ADAMTSL1: variants seen among roughly 807,000 people sequenced by gnomAD.
The protein encoded by ADAMTSL1 is ADAMTS like 1.
ADAMTSL1 carries 126 observed loss-of-function variants against 201.8 expected under a neutral mutation model. The observed-to-expected ratio is 0.62, with a 90% CI of 0.54 to 0.72. ADAMTSL1 has a LOEUF of 0.72. Ranked by LOEUF, ADAMTSL1 falls within the 30% of genes least tolerant of loss-of-function variation. ADAMTSL1 has a pLI of 0.00. For missense variants in ADAMTSL1, 2,679 were observed against 2,277.8 expected (o/e 1.18, Z -3.59); for synonymous variants, 1,121 against 903.4 (o/e 1.24, Z -4.32).
chr9:17,947,119 A>G (rs1480131309), intron 1 of ADAMTSL1, among the ~76,000 whole-genome samples: 3 of 151,556 alleles, frequency 2.0e-5, no homozygotes, highest in South Asian at 2.1e-4. Context: ...CTGTGTGTGC[A>G]TATAAACTAT....
chr9:18,206,120 C>G (rs1042250768), intron 2 of ADAMTSL1, among the ~76,000 whole-genome samples: 1 of 147,164 alleles, frequency 6.8e-6, no homozygotes, highest in Admixed American at 6.8e-5. Context: ...ATGGAAAATT[C>G]CCATCATGAG....
intron 2 of ADAMTSL1, among the ~76,000 whole-genome samples, chr9:18,423,142 G>C (rs1250219099): frequency 6.6e-6 from 1 of 152,136 alleles, no homozygotes; most frequent in Non-Finnish European, 1.5e-5. Context: ...GGCCCCAAGG[G>C]ATTACTTGTG....
intron 15 of ADAMTSL1, among the ~76,000 whole-genome samples, chr9:18,745,052 G>T (rs2133569163): frequency 6.6e-6 from 1 of 152,306 alleles, no homozygotes; most frequent in Admixed American, 6.5e-5. Context: ...GGCCAGCCAG[G>T]TGTTTCCACT....
At chr9:18,838,314 G>C (rs545847299) in intron 23 of ADAMTSL1, among the ~76,000 whole-genome samples, 12 of 150,996 alleles carry the variant, frequency 7.9e-5, no homozygotes, top group Admixed American at 5.3e-4. Flanking sequence ...AATTGCAGGA[G>C]GTATAATTCA....
intron 2 of ADAMTSL1, among the ~76,000 whole-genome samples, chr9:18,236,557 T>A (rs1830857966): frequency 6.6e-6 from 1 of 152,174 alleles, no homozygotes. Context: ...TGATGGAAAA[T>A]GTGTGTTTGT....
intron 21 of ADAMTSL1, among the ~76,000 whole-genome samples, chr9:18,823,344 G>A (rs1486309545): frequency 2.0e-5 from 3 of 152,140 alleles, no homozygotes; most frequent in African/African-American, 7.2e-5. Flanking sequence ...CTCCCATGAA[G>A]TCCCCTGCTG....
chr9:18,765,785 T>C (rs1455915871), intron 16 of ADAMTSL1, among the ~76,000 whole-genome samples: 1 of 152,290 alleles, frequency 6.6e-6, no homozygotes, highest in Non-Finnish European at 1.5e-5. Context: ...TTCATAGAGC[T>C]AATGGTCTAA....
At chr9:18,543,779 C>T (rs1410075087) in intron 3 of ADAMTSL1, among the ~76,000 whole-genome samples, 1 of 152,158 alleles carries the variant, frequency 6.6e-6, no homozygotes, top group East Asian at 1.9e-4. Context: ...GTGCTTGCTG[C>T]CAGGCAGCTG....
chr9:18,048,326 A>T (rs1821764893), intron 1 of ADAMTSL1, among the ~76,000 whole-genome samples: 1 of 152,196 alleles, frequency 6.6e-6, no homozygotes, highest in Admixed American at 6.5e-5. Flanking sequence ...CATCTCACAT[A>T]GAAATTTAAC....
intron 9 of ADAMTSL1, among the ~76,000 whole-genome samples, chr9:18,666,908 T>TA (rs1433703705): frequency 1.3e-5 from 2 of 151,976 alleles, no homozygotes; most frequent in Non-Finnish European, 2.9e-5. Flanking sequence ...TTGTGCAAGT[T>TA]ACACTTTGTG....
rs1244933886 is a variant in ADAMTSL1 at position 17,925,476 on chromosome 9, C to T, written c.87+18554C>T. Among the ~76,000 whole-genome samples, 97 of 96,182 alleles carry T rather than the reference C, an allele frequency of 1.0e-3. 18 individuals carry two copies. Among genetic ancestry groups the T allele is most frequent in the Admixed American group, 4.2e-3 (33 of 7,932 alleles). 63.1% of individuals were successfully genotyped at this position (96,182 alleles called of 152,430 possible). A position where few individuals can be genotyped will look rare whatever the true frequency, so the allele number is the denominator to read the frequency against. ...AACCCAAATGTCCAACAATGATAGA[C>T]TGGATTAAGAAAATGTGGCACATAT... On this transcript the variant is annotated intron_variant, in intron 1 of 29. Transcript: ENST00000680146.
chr9:18,533,556 A>G (rs957100485), intron 3 of ADAMTSL1, among the ~76,000 whole-genome samples: 4 of 152,178 alleles, frequency 2.6e-5, no homozygotes, highest in African/African-American at 9.7e-5. Flanking sequence ...GCCTTTTTGC[A>G]TATAGATCTC....
At chr9:18,560,360 A>G (rs1324567510) in intron 3 of ADAMTSL1, among the ~76,000 whole-genome samples, 3 of 152,210 alleles carry the variant, frequency 2.0e-5, no homozygotes, top group Non-Finnish European at 4.4e-5. Context: ...GGTGAAGCCA[A>G]CTTGTTCGTG....
At chr9:18,487,397 G>A (rs533494910) in intron 1 of ADAMTSL1, among the ~76,000 whole-genome samples, 1 of 152,252 alleles carries the variant, frequency 6.6e-6, no homozygotes, top group South Asian at 2.1e-4. Flanking sequence ...ATATGCTTTG[G>A]AACAGCATCA....
chr9:18,223,711 T>A (rs568456727), intron 2 of ADAMTSL1, among the ~76,000 whole-genome samples: 1 of 152,262 alleles, frequency 6.6e-6, no homozygotes, highest in East Asian at 1.9e-4. Flanking sequence ...GTATTGTACC[T>A]GAAAATTCTA....
At chr9:18,525,221 A>G (rs1289148284) in intron 2 of ADAMTSL1, among the ~76,000 whole-genome samples, 2 of 151,988 alleles carry the variant, frequency 1.3e-5, no homozygotes, top group East Asian at 3.9e-4. Context: ...TTTCTACTTT[A>G]TTTGCATAGA....
At chr9:18,840,387 T>G (rs1825638344) in intron 23 of ADAMTSL1, among the ~76,000 whole-genome samples, 1 of 152,208 alleles carries the variant, frequency 6.6e-6, no homozygotes, top group Non-Finnish European at 1.5e-5. Context: ...TCTGTTCCAT[T>G]GATCTATATC....
At chr9:18,213,883 G>T (rs1829970672) in intron 2 of ADAMTSL1, among the ~76,000 whole-genome samples, 1 of 151,940 alleles carries the variant, frequency 6.6e-6, no homozygotes, top group South Asian at 2.1e-4. Context: ...GGGATTACAC[G>T]CCTGGCTTGC....
chr9:18,097,086 C>T (rs982655462), intron 1 of ADAMTSL1, among the ~76,000 whole-genome samples: 3 of 152,194 alleles, frequency 2.0e-5, no homozygotes, highest in Non-Finnish European at 4.4e-5. Context: ...CCTTCCTAGT[C>T]AGTTACCCAT....
Sources: gnomAD v4.1 joint callset for allele counts (sites outside exome capture counted in the v4.1 genomes callset) on GRCh38, gnomAD v4.1.1 for gene constraint, MANE v1.5 for transcripts, NCBI Gene and HGNC (gene_info 2026-07-23, HGNC 2026-07-21) for gene names.